Variants in SLC25A48 observed in about 807,000 individuals in gnomAD.
The protein encoded by SLC25A48 is CTC-321K16.1.
Under a neutral mutation model 32.2 loss-of-function variants are expected in SLC25A48, and 29 were observed. The observed-to-expected ratio is 0.90, with a 90% CI of 0.67 to 1.23. SLC25A48 has a LOEUF of 1.23. SLC25A48 is among the 50% of genes most tolerant of loss of function. The pLI is 0.00. For missense variants in SLC25A48, 399 were observed against 422.7 expected, an observed-to-expected ratio of 0.94 and a Z score of 0.49; for synonymous variants, 164 against 172.3, an observed-to-expected ratio of 0.95 and a Z score of 0.38.
chr5:135,660,045 G>T (rs1753358458), intron 3 of SLC25A48, among the ~76,000 whole-genome samples: 1 of 152,210 alleles, frequency 6.6e-6, no homozygotes, highest in Non-Finnish European at 1.5e-5. Context: ...GATATTGGAT[G>T]CCTCCACTCA....
chr5:135,671,389 G>A (rs945773298), intron 3 of SLC25A48, among the ~76,000 whole-genome samples: 3 of 152,194 alleles, frequency 2.0e-5, no homozygotes, highest in Admixed American at 1.3e-4. Context: ...TAGCCTCTAG[G>A]TTTGCACAAT....
chr5:135,647,708 T>C (rs1237076151), intron 3 of SLC25A48, among the ~76,000 whole-genome samples: 1 of 152,104 alleles, frequency 6.6e-6, no homozygotes, highest in Non-Finnish European at 1.5e-5. Flanking sequence ...TCACTTTCTG[T>C]TTTCCTGAGG....
At position 135,886,637 on chromosome 5, in the gene SLC25A48, A is replaced by ATATATATAT. The variant is rs55911526; in HGVS notation, c.*8-1395_*8-1394insTATATATAT. Among the ~76,000 whole-genome samples, 47 of 38,554 alleles carry ATATATATAT rather than the reference A, an allele frequency of 1.2e-3. 3 individuals are homozygous for ATATATATAT. Among genetic ancestry groups the ATATATATAT allele is most frequent in the East Asian group, 2.0e-3 (3 of 1,506 alleles). The allele number at this position is 38,554 out of a possible 152,430, so 25.3% of individuals were successfully genotyped here. A position where few individuals can be genotyped will look rare whatever the true frequency, so the allele number is the denominator to read the frequency against. ...TATATATATATATATATATATATAT[A>ATATATATAT]AAATATATATATGTGTGTGTGTGTG... On this transcript the variant is annotated intron_variant, in intron 7 of 7. Coordinates refer to ENST00000681962, the MANE Select transcript of SLC25A48 (RefSeq NM_001349336.2).
chr5:135,637,950 T>G (rs1004839997), intron 3 of SLC25A48, among the ~76,000 whole-genome samples: 8 of 152,216 alleles, frequency 5.3e-5, no homozygotes, highest in Non-Finnish European at 1.2e-4. Flanking sequence ...CATCACTTAT[T>G]CTATTTCACC....
intron 4 of SLC25A48, chr5:135,825,147 C>G (rs1323298122): frequency 6.6e-6 from 1 of 152,216 alleles, no homozygotes; most frequent in Non-Finnish European, 1.5e-5. Context: ...GGTGAGCTCA[C>G]AGAAACATTT....
At chr5:135,607,573 AG>A (rs1751967957) in intron 1 of SLC25A48, among the ~76,000 whole-genome samples, 1 of 152,210 alleles carries the variant, frequency 6.6e-6, no homozygotes, top group Non-Finnish European at 1.5e-5. Context: ...AGAAAAGTGT[AG>A]GGTGCATGTT....
chr5:135,631,916 A>G lies in SLC25A48; in HGVS notation c.-709+2540A>G, dbSNP rs1387194068. ...CTCTTTATCTATAACACTGTTAAGCAGAGGACTGCTTTTGAAGTCCAACCC... is the reference window on the plus strand; with the variant it reads ...CTCTTTATCTATAACACTGTTAAGCGGAGGACTGCTTTTGAAGTCCAACCC... On this transcript the variant is annotated intron_variant, in intron 2 of 10. Transcript: ENST00000646290. Among the ~76,000 whole-genome samples, 4 of 152,350 alleles carry G rather than the reference A, an allele frequency of 2.6e-5. 1 individual carries two copies. The highest frequency in any genetic ancestry group is 6.8e-3 in the Middle Eastern group (2 of 294).
intron 2 of SLC25A48, among the ~76,000 whole-genome samples, chr5:135,845,613 C>A (rs1272213532): frequency 2.0e-5 from 3 of 152,230 alleles, no homozygotes; most frequent in Non-Finnish European, 2.9e-5. Context: ...CAGCACTTAA[C>A]CTTCCTGAGC....
chr5:135,820,012 T>C (rs917718488), intron 4 of SLC25A48, among the ~76,000 whole-genome samples: 5 of 152,176 alleles, frequency 3.3e-5, no homozygotes, highest in Non-Finnish European at 5.9e-5. Context: ...GGAAACAGTT[T>C]GGCAGTTTCT....
chr5:135,840,269 C>G (rs754509968), intron 1 of SLC25A48, among the ~76,000 whole-genome samples: 1 of 152,180 alleles, frequency 6.6e-6, no homozygotes, highest in African/African-American at 2.4e-5. Context: ...TACTGGATTT[C>G]ATTCTTACCA....
intron 4 of SLC25A48, among the ~76,000 whole-genome samples, chr5:135,829,048 C>A (rs749133441): frequency 1.2e-4 from 19 of 152,184 alleles, no homozygotes; most frequent in Non-Finnish European, 2.1e-4. Flanking sequence ...TATTTGAGGT[C>A]AGGCCTGATG....
chr5:135,711,689 G>A (rs768790445), intron 3 of SLC25A48, among the ~76,000 whole-genome samples: 4 of 152,198 alleles, frequency 2.6e-5, no homozygotes, highest in Non-Finnish European at 5.9e-5. Flanking sequence ...TGATCCCAAA[G>A]TCTTTCCAGC....
At chr5:135,731,560 G>A (rs146003743) in intron 3 of SLC25A48, among the ~76,000 whole-genome samples, 1,942 of 152,296 alleles carry the variant, frequency 0.013, 43 homozygotes, top group African/African-American at 0.043. Flanking sequence ...GCTGAAGGAA[G>A]ATTTTGTGGT....
At chr5:135,742,733 G>T in intron 3 of SLC25A48, 1 of 379,244 alleles carries the variant, frequency 2.6e-6, no homozygotes, top group Non-Finnish European at 4.8e-6. Context: ...AACAGTAGAA[G>T]TAAGTGCTAG....
At position 135,843,178 on chromosome 5, in the gene SLC25A48, G is replaced by A. The variant is rs543388178; in HGVS notation, c.90+719G>A. ...AACACTTTAAGTAGTAAAGGGGGGC[G>A]TTTAGGCTCCCCAGGGGACATCCCA... is the stretch of plus-strand genomic sequence containing the variant. On this transcript the variant is annotated intron_variant, in intron 2 of 7. Coordinates refer to ENST00000681962, the MANE Select transcript of SLC25A48 (RefSeq NM_001349336.2). 5.3e-4 allele frequency among the ~76,000 whole-genome samples: 81 copies of A among 152,334 alleles called. 1 individual carries two copies. In the East Asian group the frequency reaches 8.3e-3, roughly 16 times the overall value.
chr5:135,645,772 A>G (rs897486016), intron 3 of SLC25A48, among the ~76,000 whole-genome samples: 4 of 152,246 alleles, frequency 2.6e-5, no homozygotes, highest in African/African-American at 9.6e-5. Flanking sequence ...AGGAAAGCAT[A>G]GATACCCAAA....
intron 3 of SLC25A48, among the ~76,000 whole-genome samples, chr5:135,657,040 G>A (rs547324005): frequency 1.0e-3 from 158 of 152,278 alleles, no homozygotes; most frequent in Non-Finnish European, 1.7e-3. Flanking sequence ...TCCACCCTCT[G>A]GGAGCACCCA....
rs1761935390 is a variant in SLC25A48 at position 135,874,921 on chromosome 5, A to T, written c.813+767A>T. 6.7e-6 allele frequency: 3 copies of T among 446,466 alleles called. No homozygotes were observed. The East Asian group carries it at 1.1e-4, about 16-fold the overall frequency. 27.7% of individuals were successfully genotyped at this position (446,466 alleles called of 1,614,324 possible). On this transcript the variant is annotated intron_variant, in intron 6 of 7. Coordinates refer to ENST00000681962, the MANE Select transcript of SLC25A48 (RefSeq NM_001349336.2). The stretch of plus-strand genomic sequence containing the variant: ...TCAGCAGACATGGGTTCAAAGTCAG[A>T]TGTAGCTACTGTGAGCTGGCAGGAT...
chr5:135,580,451 A>T (rs1561743502), intron 1 of SLC25A48, among the ~76,000 whole-genome samples: 1 of 152,138 alleles, frequency 6.6e-6, no homozygotes, highest in Non-Finnish European at 1.5e-5. Context: ...CTTCTGGATG[A>T]TGGGGACAGT....
Sources: gnomAD v4.1 joint callset for allele counts (sites outside exome capture counted in the v4.1 genomes callset) on GRCh38, gnomAD v4.1.1 for gene constraint, MANE v1.5 for transcripts, NCBI Gene and HGNC (gene_info 2026-07-23, HGNC 2026-07-21) for gene names.